ZC3H7A: variants seen among roughly 807,000 people sequenced by gnomAD.
ZC3H7A encodes the protein zinc finger CCCH domain-containing protein 7A.
In ZC3H7A, 44 loss-of-function variants were observed where a neutral mutation model predicts 125.5. The ratio of observed to expected loss-of-function variants is 0.35; its 90% confidence interval spans 0.28 to 0.45. The LOEUF (loss-of-function observed/expected upper bound fraction) is 0.45. ZC3H7A is among the 20% of genes least tolerant of loss of function. The pLI, the probability that ZC3H7A is intolerant of heterozygous loss-of-function variation, is 1.00. For synonymous variants in ZC3H7A, 399 were observed against 391.2 expected (o/e 1.02, Z -0.23); for missense variants, 977 against 1,170.7 (o/e 0.83, Z 2.41).
At chr16:11,791,519 T>C (rs2053351807) in intron 1 of ZC3H7A, among the ~76,000 whole-genome samples, 1 of 152,204 alleles carries the variant, frequency 6.6e-6, no homozygotes, top group South Asian at 2.1e-4. Context: ...CTACTTCTCA[T>C]GCTTCATTGT....
intron 1 of ZC3H7A, among the ~76,000 whole-genome samples, chr16:11,787,734 T>TC (rs2053280535): frequency 6.6e-6 from 1 of 151,952 alleles, no homozygotes; most frequent in Admixed American, 6.6e-5. Context: ...TCACCTGAGG[T>TC]CAGGAGTTCG....
At chr16:11,763,296 T>C (rs558153411) in intron 16 of ZC3H7A, 182 bp downstream of exon 16, 12 of 459,852 alleles carry the variant, frequency 2.6e-5, no homozygotes, top group Non-Finnish European at 4.5e-5. Flanking sequence ...TTTGTAGAGA[T>C]GGGGATTTTG....
At chr16:11,771,968 G>C (rs954481652) in intron 9 of ZC3H7A, among the ~76,000 whole-genome samples, 18 of 152,002 alleles carry the variant, frequency 1.2e-4, no homozygotes, top group African/African-American at 4.1e-4. Flanking sequence ...GATGAGGTGG[G>C]TGGATCACGA....
At chr16:11,781,268 A>G (rs2053169248) in intron 3 of ZC3H7A, among the ~76,000 whole-genome samples, 157 bp downstream of exon 3, 1 of 152,112 alleles carries the variant, frequency 6.6e-6, no homozygotes, top group Non-Finnish European at 1.5e-5. Flanking sequence ...TGTTCCAATA[A>G]AGCTTTATTT....
At chr16:11,789,912 C>T (rs1419000969) in intron 1 of ZC3H7A, among the ~76,000 whole-genome samples, 1 of 151,758 alleles carries the variant, frequency 6.6e-6, no homozygotes, top group Admixed American at 6.6e-5. Context: ...GAAACCCCAT[C>T]TCTACTAAAA....
Position 11,770,986 on chromosome 16 carries a change from G to A in ZC3H7A, c.905C>T (p.Pro302Leu), listed in dbSNP as rs190287463. ...SAPETNETVM[P>L]SALVRGPLQT... ...AAGGGGTCCTCTGACTAAAGCTGACGGCTGCGGAAGAAAAAAAGATGTGAT... is the reference window on the plus strand; with the variant it reads ...AAGGGGTCCTCTGACTAAAGCTGACAGCTGCGGAAGAAAAAAAGATGTGAT... The change falls in exon 10 of 23, where the codon CCG becomes CTG. Residue 302 changes from proline (P) to leucine (L), a missense_variant and splice_region_variant. By Grantham distance (98) the Pro-to-Leu change is moderately conservative. This residue lies in a region of ZC3H7A where 342 missense variants were observed against 311.3 expected (regional missense o/e 1.10). Coordinates refer to ENST00000355758, the MANE Select transcript of ZC3H7A (RefSeq NM_014153.4). 28 of 1,590,478 alleles carry A rather than the reference G, an allele frequency of 1.8e-5. No homozygotes were observed. In the Admixed American group the frequency reaches 1.9e-4, roughly 11 times the overall value.
intron 20 of ZC3H7A, among the ~76,000 whole-genome samples, chr16:11,758,065 T>C (rs1005422216): frequency 6.6e-6 from 1 of 152,182 alleles, no homozygotes; most frequent in African/African-American, 2.4e-5. Flanking sequence ...AATTCTAACC[T>C]GGTTAATTCA....
chr16:11,797,050 C>CGGCGCGCGCGGGGGGGGCGGGGGCGCG (rs1489634216), intron 1 of ZC3H7A, 74 bp downstream of exon 1: 1 of 136,080 alleles, frequency 7.3e-6, no homozygotes, highest in Non-Finnish European at 1.6e-5. Context: ...CACGAGGCGG[C>CGGCGCGCGCGGGGGGGGCGGGGGCGCG]GGCGCGCGCG....
chr16:11,762,562 TAAGA>T (rs1386552235), intron 17 of ZC3H7A, 105 bp downstream of exon 17: 1 of 1,005,378 alleles, frequency 9.9e-7, no homozygotes, highest in African/African-American at 1.6e-5. Flanking sequence ...GAATGAATAT[TAAGA>T]AAGTAACTGG....
At chr16:11,782,197 A>G (rs369956615) in intron 2 of ZC3H7A, 90 bp downstream of exon 2, 1 of 1,437,932 alleles carries the variant, frequency 7.0e-7, no homozygotes, top group Non-Finnish European at 9.7e-7. Flanking sequence ...CCTATTAAAC[A>G]TGACTAAAGA....
intron 9 of ZC3H7A, among the ~76,000 whole-genome samples, chr16:11,771,604 G>C (rs953380053): frequency 6.6e-6 from 1 of 151,296 alleles, no homozygotes; most frequent in Non-Finnish European, 1.5e-5. Flanking sequence ...GAGTTCAAAT[G>C]ATTCTCCTGC....
chr16:11,756,237 T>C lies in ZC3H7A; in HGVS notation c.2562A>G (p.Thr854=). 6.2e-7 allele frequency: 1 copy of C among 1,613,240 alleles called. No homozygotes were observed. Among genetic ancestry groups the C allele is most frequent in the Non-Finnish European group, 8.5e-7 (1 of 1,179,690 alleles). Residue 854 remains threonine, a splice_region_variant and synonymous_variant, in exon 21 of 23, where the codon ACA becomes ACG. Transcript: ENST00000355758. ...AGGGTAAATGACGCACGGTACTCAC[T>C]GTAACTTCAGCATAATCTGTTGGCA... is the stretch of plus-strand genomic sequence containing the variant. ...IHMPTDYAEV[T]VDFHCWMCGK...
intron 1 of ZC3H7A, among the ~76,000 whole-genome samples, chr16:11,784,324 T>TA (rs1444586913): frequency 2.0e-5 from 3 of 152,046 alleles, no homozygotes; most frequent in African/African-American, 4.8e-5. Flanking sequence ...AATGCTTTTT[T>TA]AAAAAAATTT....
At chr16:11,792,037 A>G (rs190836434) in intron 1 of ZC3H7A, among the ~76,000 whole-genome samples, 4 of 152,222 alleles carry the variant, frequency 2.6e-5, no homozygotes, top group Admixed American at 2.6e-4. Flanking sequence ...CCTCCCAAGT[A>G]GCTGGAACTA....
At chr16:11,762,580 G>C (rs936098941) in intron 17 of ZC3H7A, 91 bp downstream of exon 17, 9 of 1,171,190 alleles carry the variant, frequency 7.7e-6, no homozygotes, top group Non-Finnish European at 1.1e-5. Context: ...TAACTGGACT[G>C]TAAGTGTTAA....
intron 1 of ZC3H7A, among the ~76,000 whole-genome samples, chr16:11,796,025 G>T (rs1464300953): frequency 6.6e-6 from 1 of 151,942 alleles, no homozygotes; most frequent in Non-Finnish European, 1.5e-5. Context: ...AGAGACAGGG[G>T]TCTCACTATG....
chr16:11,790,010 G>A (rs1222394298), intron 1 of ZC3H7A, among the ~76,000 whole-genome samples: 1 of 147,842 alleles, frequency 6.8e-6, no homozygotes, highest in Non-Finnish European at 1.5e-5. Flanking sequence ...GAACCCGGGA[G>A]GTGCAGGCTG....
At chr16:11,776,253 A>G (rs2053078230) in intron 7 of ZC3H7A, 67 bp downstream of exon 7, 1 of 1,486,092 alleles carries the variant, frequency 6.7e-7, no homozygotes, top group Non-Finnish European at 9.2e-7. Flanking sequence ...AAAAATACTA[A>G]AAGTAGAATT....
intron 1 of ZC3H7A, among the ~76,000 whole-genome samples, chr16:11,789,294 C>T (rs1232435274): frequency 3.9e-5 from 6 of 152,106 alleles, no homozygotes; most frequent in Admixed American, 1.3e-4. Flanking sequence ...GACAAACTCT[C>T]GCTCTGTCAC....
Sources: allele counts gnomAD v4.1 joint callset (sites outside exome capture counted in the v4.1 genomes callset), GRCh38; gene constraint gnomAD v4.1.1; regional missense constraint gnomAD v4.1.1; transcripts MANE v1.5; gene names NCBI Gene and HGNC (gene_info 2026-07-23, HGNC 2026-07-21).